The following ATP10B variants were observed in gnomAD, a reference collection of about 807,000 sequenced individuals.
ATP10B encodes phospholipid-transporting ATPase VB.
ATP10B carries 122 observed loss-of-function variants against 141.2 expected under a neutral mutation model. The observed-to-expected ratio is 0.86, with a 90% CI of 0.75 to 1.00. The LOEUF is 1.00. ATP10B is among the 50% of genes least tolerant of loss of function. The probability of loss-of-function intolerance (pLI) is 0.00; values close to 1 mark genes in which losing one functional copy is unlikely to be tolerated. For missense variants in ATP10B, 1,876 were observed against 1,825.3 expected, an observed-to-expected ratio of 1.03 and a Z score of -0.51; for synonymous variants, 685 against 692.0, an observed-to-expected ratio of 0.99 and a Z score of 0.16.
intron 10 of ATP10B, among the ~76,000 whole-genome samples, chr5:160,637,385 G>C (rs948553171): frequency 4.6e-5 from 7 of 152,060 alleles, no homozygotes; most frequent in Non-Finnish European, 1.0e-4. Context: ...CCCTCCCTCT[G>C]TCTGACATTG....
At chr5:160,856,487 C>A (rs959627457), upstream of ATP10B, among the ~76,000 whole-genome samples, 3 of 151,702 alleles carry the variant, frequency 2.0e-5, no homozygotes, top group African/African-American at 7.3e-5. Context: ...AATATGTATG[C>A]CTATTATTTT....
chr5:160,749,664 C>A (rs142229620), intron 2 of ATP10B, among the ~76,000 whole-genome samples: 1 of 152,148 alleles, frequency 6.6e-6, no homozygotes, highest in Non-Finnish European at 1.5e-5. Context: ...ATGGCAGAAA[C>A]CAAGATCTCA....
chr5:160,798,744 ATTTTTT>A lies in ATP10B; in HGVS notation c.-575-12947_-575-12942del, dbSNP rs35866347. On this transcript the variant is annotated intron_variant, in intron 1 of 25. Transcript: ENST00000327245. ...GGGTCAAGGAAAAGACTTTTTCTCT[ATTTTTT>A]TTTTTTTTTTTTTTTTTTGAGGCAA... 3.9e-3 allele frequency among the ~76,000 whole-genome samples: 399 copies of A among 102,498 alleles called. 2 individuals carry two copies. Among genetic ancestry groups the A allele is most frequent in the Non-Finnish European group, 5.9e-3 (306 of 51,990 alleles). 67.2% of individuals were successfully genotyped at this position (102,498 alleles called of 152,430 possible).
At chr5:160,755,586 C>T (rs973811298) in intron 2 of ATP10B, among the ~76,000 whole-genome samples, 8 of 150,146 alleles carry the variant, frequency 5.3e-5, no homozygotes, top group African/African-American at 1.2e-4. Context: ...GAGGCCGAGG[C>T]GGGCGGATCA....
chr5:160,587,267 GGT>G (rs1476623914), intron 24 of ATP10B, among the ~76,000 whole-genome samples: 3 of 152,256 alleles, frequency 2.0e-5, no homozygotes, highest in Admixed American at 2.0e-4. Context: ...GATGGTTGTA[GGT>G]GTGTGGTGTT....
the ATP10B span, among the ~76,000 whole-genome samples, chr5:160,867,912 C>T: frequency 4.6e-5 from 7 of 152,064 alleles, no homozygotes; most frequent in Admixed American, 3.9e-4. Context: ...AGTGATTTTC[C>T]AGATAGAAGG....
At chr5:160,753,360 C>T (rs148901304) in intron 2 of ATP10B, among the ~76,000 whole-genome samples, 77 of 152,254 alleles carry the variant, frequency 5.1e-4, no homozygotes, top group African/African-American at 1.5e-3. Flanking sequence ...TTGCTGTTTA[C>T]GTGGAAAATT....
intron 14 of ATP10B, 135 bp downstream of exon 14, chr5:160,622,259 A>T: frequency 1.2e-6 from 1 of 820,090 alleles, no homozygotes; most frequent in Non-Finnish European, 1.9e-6. Context: ...TCTAGGTTTC[A>T]CTGTGATGAA....
chr5:160,596,128 A>G (rs1449453760), intron 22 of ATP10B, among the ~76,000 whole-genome samples: 1 of 152,082 alleles, frequency 6.6e-6, no homozygotes, highest in Non-Finnish European at 1.5e-5. Context: ...ATGAACATTG[A>G]TGCAAAAATC....
intron 7 of ATP10B, among the ~76,000 whole-genome samples, chr5:160,668,253 A>C (rs1358071990): frequency 1.3e-5 from 2 of 150,004 alleles, no homozygotes; most frequent in African/African-American, 4.9e-5. Flanking sequence ...AAAAGGTAGA[A>C]TAGCATAGAA....
the ATP10B span, among the ~76,000 whole-genome samples, chr5:160,901,400 G>A: frequency 6.6e-6 from 1 of 152,188 alleles, no homozygotes; most frequent in Admixed American, 6.5e-5. Flanking sequence ...TGTATCTCCA[G>A]TAGCTAAGGA....
chr5:160,627,169 C>T (rs1303779428), intron 13 of ATP10B, among the ~76,000 whole-genome samples: 1 of 152,182 alleles, frequency 6.6e-6, no homozygotes, highest in African/African-American at 2.4e-5. Context: ...ACTCCTGTCT[C>T]AAAATTCAGC....
chr5:160,755,871 ATATAT>A lies in ATP10B; in HGVS notation c.-331+29683_-331+29687del, dbSNP rs1229527017. Among the ~76,000 whole-genome samples the A allele has an allele frequency of 1.8e-4, 21 of 114,664 alleles. 1 individual carries two copies. Among genetic ancestry groups the A allele is most frequent in the African/African-American group, 9.0e-4 (21 of 23,270 alleles). The allele number at this position is 114,664 out of a possible 152,430, so 75.2% of individuals were successfully genotyped here. On this transcript the variant is annotated intron_variant, in intron 2 of 25. Transcript: ENST00000327245. Reference sequence around the variant, plus strand: ...TATATATATATATATATATATATATATATATATTATAATTTTATGGAACCACTGTC... The same window carrying A: ...TATATATATATATATATATATATATAATTATAATTTTATGGAACCACTGTC...
intron 1 of ATP10B, among the ~76,000 whole-genome samples, chr5:160,807,078 C>T (rs948637121): frequency 3.3e-5 from 5 of 152,042 alleles, no homozygotes; most frequent in South Asian, 2.1e-4. Flanking sequence ...TGGTAGAAAA[C>T]GATACATATA....
chr5:160,646,106 G>A lies in ATP10B; in HGVS notation c.762-1862C>T, dbSNP rs532464905. On this transcript the variant is annotated intron_variant, in intron 8 of 25. Transcript: ENST00000327245. The stretch of plus-strand genomic sequence containing the variant: ...TTATGAAAAAGTAGAAGCTCAGAGT[G>A]GCTGAGATTTTTCCAAGGCTATACA... 2.6e-5 allele frequency among the ~76,000 whole-genome samples: 4 copies of A among 152,240 alleles called. No individual in the cohort carries two copies. In the East Asian group the frequency reaches 7.7e-4, roughly 29 times the overall value.
At chr5:160,693,635 T>C (rs1255843714) in intron 3 of ATP10B, among the ~76,000 whole-genome samples, 2 of 152,180 alleles carry the variant, frequency 1.3e-5, no homozygotes, top group Non-Finnish European at 2.9e-5. Context: ...TCAACCTTTT[T>C]GGCACCAGGG....
chr5:160,810,667 T>C lies in ATP10B; in HGVS notation c.-575-24864A>G, dbSNP rs10065952. ...AATTAATCAGAAAGCAATTCTAACT[T>C]TCCATCAAAATTGTGGTTTTATAAT... On this transcript the variant is annotated intron_variant, in intron 1 of 25. Coordinates refer to ENST00000327245, the MANE Select transcript of ATP10B (RefSeq NM_025153.3). Among the ~76,000 whole-genome samples the C allele has an allele frequency of 9.1e-3, 1,393 of 152,298 alleles. 20 individuals carry two copies. The highest frequency in any genetic ancestry group is 0.032 in the African/African-American group (1,330 of 41,564).
At chr5:160,693,403 AACAC>A (rs3075585) in intron 3 of ATP10B, among the ~76,000 whole-genome samples, 9,292 of 125,508 alleles carry the variant, frequency 0.074, 485 homozygotes, top group African/African-American at 0.15. Flanking sequence ...TGGGTCAGAA[AACAC>A]ACACACACAC....
rs144034346 is a variant in ATP10B at position 160,657,987 on chromosome 5, T to C, written c.676-8731A>G. ...TGTACAAATTCTTTCTTGCTGTGGATAACTGAAACACAAGAAGATGATATG... is the reference window on the plus strand; with the variant it reads ...TGTACAAATTCTTTCTTGCTGTGGACAACTGAAACACAAGAAGATGATATG... On this transcript the variant is annotated intron_variant, in intron 7 of 25. Coordinates refer to ENST00000327245, the MANE Select transcript of ATP10B (RefSeq NM_025153.3). 2.3e-3 allele frequency among the ~76,000 whole-genome samples: 352 copies of C among 152,344 alleles called. 3 individuals carry two copies. The highest frequency in any genetic ancestry group is 8.1e-3 in the African/African-American group (335 of 41,582).
Sources: gnomAD v4.1 joint callset for allele counts (sites outside exome capture counted in the v4.1 genomes callset) on GRCh38, gnomAD v4.1.1 for gene constraint, MANE v1.5 for transcripts, NCBI Gene and HGNC (gene_info 2026-07-23, HGNC 2026-07-21) for gene names.